The following ACTN2 variants were observed in gnomAD, a reference collection of about 807,000 sequenced individuals.
ACTN2 encodes the protein actinin alpha 2.
A neutral mutation model predicts 113.8 loss-of-function variants in ACTN2; 39 were observed. The observed-to-expected ratio is 0.34, with a 90% CI of 0.27 to 0.45. The LOEUF (loss-of-function observed/expected upper bound fraction) is 0.45, where lower values mean the gene tolerates loss of function less well. Among genes scored for constraint, ACTN2 ranks in the 20% least tolerant of loss-of-function variants. The pLI is 1.00. For synonymous variants in ACTN2, 429 were observed against 444.1 expected (o/e 0.97, Z 0.43); for missense variants, 992 against 1,177.9 (o/e 0.84, Z 2.31).
At chr1:236,735,601 T>C (rs773427730) in intron 7 of ACTN2, 34 bp from the exon 8 acceptor site, 39 of 1,531,712 alleles carry the variant, frequency 2.5e-5, no homozygotes, top group East Asian at 6.8e-5. Flanking sequence ...TGTGTGTGTG[T>C]GCGCGCGTCC....
intron 10 of ACTN2, 134 bp from the exon 11 acceptor site, chr1:236,742,762 A>G: frequency 9.4e-7 from 1 of 1,064,426 alleles, no homozygotes; most frequent in Non-Finnish European, 1.4e-6. Context: ...GGTGGGGGGT[A>G]AGGAAGGAAA....
chr1:236,736,517 T>C (rs1658881152), intron 8 of ACTN2: 1 of 1,300,102 alleles, frequency 7.7e-7, no homozygotes, highest in African/African-American at 1.5e-5. Flanking sequence ...CCACGAAAGA[T>C]GACAGAGAAT....
chr1:236,709,289 T>C (rs373593201), intron 1 of ACTN2, among the ~76,000 whole-genome samples: 79 of 142,024 alleles, frequency 5.6e-4, no homozygotes, highest in Non-Finnish European at 9.1e-4. Context: ...TGTATATATA[T>C]GTATATATGT....
Position 236,719,127 on chromosome 1 carries a change from T to G in ACTN2, c.361+114T>G. On this transcript the variant is annotated intron_variant, in intron 3 of 20. Transcript: ENST00000366578. ...CCTTTCACCATTTACTGTACCTGCCTTGTATCAGGCTCTCTCTTAGGGCGC... is the reference window on the plus strand; with the variant it reads ...CCTTTCACCATTTACTGTACCTGCCGTGTATCAGGCTCTCTCTTAGGGCGC... The G allele has an allele frequency of 2.7e-6, 4 of 1,466,988 alleles. No homozygotes were observed. In the South Asian group the frequency reaches 3.6e-5, roughly 13 times the overall value. The allele number at this position is 1,466,988 out of a possible 1,614,324, so 90.9% of individuals were successfully genotyped here.
Position 236,754,912 on chromosome 1 carries a change from G to A in ACTN2, c.1975-107G>A, listed in dbSNP as rs1243842098. ...CGAGTGACACTGGCCGCTGCCTGAC[G>A]CTGGCCTAGCATCCCATGCAGGGTC... On this transcript the variant is annotated intron_variant, in intron 16 of 20. Coordinates refer to ENST00000366578, the MANE Select transcript of ACTN2 (RefSeq NM_001103.4). The surrounding 1 kb of genome is among the most constrained non-coding windows in gnomAD (Gnocchi z 4.9). The A allele has an allele frequency of 1.8e-5, 24 of 1,340,080 alleles. No homozygotes were observed. The highest frequency in any genetic ancestry group is 2.6e-5 in the Non-Finnish European group (24 of 933,128). The allele number at this position is 1,340,080 out of a possible 1,614,324, so 83.0% of individuals were successfully genotyped here. A position where few individuals can be genotyped will look rare whatever the true frequency, so the allele number is the denominator to read the frequency against.
intron 18 of ACTN2, among the ~76,000 whole-genome samples, chr1:236,758,067 A>G (rs1421219113): frequency 6.6e-6 from 1 of 152,168 alleles, no homozygotes; most frequent in Non-Finnish European, 1.5e-5. Context: ...TTCTGTTTTA[A>G]TTAACAAAAT....
intron 12 of ACTN2, among the ~76,000 whole-genome samples, chr1:236,746,286 G>A (rs1392922603): frequency 6.6e-6 from 1 of 151,960 alleles, no homozygotes; most frequent in Non-Finnish European, 1.5e-5. Context: ...TGTTTTTGAA[G>A]CAGCCTCCTG....
At chr1:236,741,306 C>T (rs1477860076) in intron 10 of ACTN2, among the ~76,000 whole-genome samples, 3 of 152,178 alleles carry the variant, frequency 2.0e-5, no homozygotes, top group Non-Finnish European at 4.4e-5. Flanking sequence ...TCCCAAAGTG[C>T]TGGGATTATA....
intron 11 of ACTN2, among the ~76,000 whole-genome samples, chr1:236,743,780 G>T (rs868800390): frequency 9.9e-5 from 15 of 152,276 alleles, no homozygotes; most frequent in Middle Eastern, 3.4e-3. Context: ...TGGGTTGGAG[G>T]CACAGTTCTG....
chr1:236,763,477 A>T lies in ACTN2; in HGVS notation c.*858A>T, dbSNP rs1330853970. 6.6e-6 allele frequency: 1 copy of T among 152,300 alleles called. No homozygotes were observed. The allele number at this position is 152,300 out of a possible 1,614,324, so 9.4% of individuals were successfully genotyped here. A position where few individuals can be genotyped will look rare whatever the true frequency, so the allele number is the denominator to read the frequency against. ...CCACATAAAAGTGCTCTGTTTATAA[A>T]TAAGCAGGTTTCTGTAGTACTGACT... On this transcript the variant is annotated 3_prime_UTR_variant, in exon 21 of 21. Coordinates refer to ENST00000366578, the MANE Select transcript of ACTN2 (RefSeq NM_001103.4).
chr1:236,738,668 T>A (rs1288808292), intron 9 of ACTN2, among the ~76,000 whole-genome samples: 1 of 152,208 alleles, frequency 6.6e-6, no homozygotes, highest in Non-Finnish European at 1.5e-5. Context: ...GTGTAAATGA[T>A]GGGGTTTTCA....
chr1:236,746,593 C>G (rs1659245626), intron 12 of ACTN2, among the ~76,000 whole-genome samples: 1 of 151,834 alleles, frequency 6.6e-6, no homozygotes. Context: ...GTAGTCCCAG[C>G]TACTTGGGAG....
intron 1 of ACTN2, among the ~76,000 whole-genome samples, chr1:236,706,936 A>C (rs2102876534): frequency 6.6e-6 from 1 of 152,244 alleles, no homozygotes; most frequent in East Asian, 1.9e-4. Context: ...GGGTTTTTTG[A>C]TTAATAATAC....
At chr1:236,746,327 T>C (rs558134498) in intron 12 of ACTN2, among the ~76,000 whole-genome samples, 2 of 152,256 alleles carry the variant, frequency 1.3e-5, no homozygotes, top group Admixed American at 6.5e-5. Context: ...TGGTTCTTGA[T>C]TTATATCTGA....
At chr1:236,715,698 G>A (rs1388559629) in intron 1 of ACTN2, among the ~76,000 whole-genome samples, 1 of 152,324 alleles carries the variant, frequency 6.6e-6, no homozygotes, top group East Asian at 1.9e-4. Context: ...GCTCATGCCT[G>A]TAATCCCAGC....
rs2102934404 is a variant in ACTN2, at chr1:236,747,597, T to C, written c.1407-70T>C. ...TTTTAAACTTCCCTGTTATTTTTCTTTTTTAGCCCATGTTCATTTTCTCTC... is the reference window on the plus strand; with the variant it reads ...TTTTAAACTTCCCTGTTATTTTTCTCTTTTAGCCCATGTTCATTTTCTCTC... On this transcript the variant is annotated intron_variant, in intron 12 of 20. Transcript: ENST00000366578. 5.8e-6 allele frequency: 8 copies of C among 1,389,102 alleles called. No homozygotes were observed. The East Asian group carries it at 1.9e-4, about 33-fold the overall frequency. The allele number at this position is 1,389,102 out of a possible 1,614,324, so 86.0% of individuals were successfully genotyped here. A position where few individuals can be genotyped will look rare whatever the true frequency, so the allele number is the denominator to read the frequency against.
At chr1:236,698,476 A>G (rs1657583216) in intron 1 of ACTN2, among the ~76,000 whole-genome samples, 1 of 152,200 alleles carries the variant, frequency 6.6e-6, no homozygotes, top group African/African-American at 2.4e-5. Flanking sequence ...AAACAAACAC[A>G]TTTTTGAGGG....
chr1:236,719,963 C>T (rs1176984366), intron 3 of ACTN2, 142 bp from the exon 4 acceptor site: 20 of 672,146 alleles, frequency 3.0e-5, no homozygotes, highest in Admixed American at 6.6e-5. Flanking sequence ...AGACATACTG[C>T]GGTGCTTATA....
chr1:236,719,777 C>A (rs866137163), intron 3 of ACTN2, among the ~76,000 whole-genome samples: 2 of 148,894 alleles, frequency 1.3e-5, no homozygotes, highest in African/African-American at 5.0e-5. Flanking sequence ...GCGGCCTGGG[C>A]GACAGAGTGA....
Sources: allele counts gnomAD v4.1 joint callset (sites outside exome capture counted in the v4.1 genomes callset), GRCh38; gene constraint gnomAD v4.1.1; non-coding constraint Gnocchi (gnomAD v3.1); transcripts MANE v1.5; gene names NCBI Gene and HGNC (gene_info 2026-07-23, HGNC 2026-07-21).